DOCK2: variants seen among roughly 807,000 people sequenced by gnomAD.
DOCK2 encodes the protein dedicator of cytokinesis 2.
Under a neutral mutation model 248.9 loss-of-function variants are expected in DOCK2, and 87 were observed. The ratio of observed to expected loss-of-function variants is 0.35; its 90% confidence interval spans 0.29 to 0.42. The LOEUF is 0.42. Among genes scored for constraint, DOCK2 ranks in the 10% least tolerant of loss-of-function variants. DOCK2 has a pLI of 1.00. For missense variants in DOCK2, 1,747 were observed against 2,300.2 expected (o/e 0.76, Z 4.92); for synonymous variants, 805 against 821.6 (o/e 0.98, Z 0.35).
chr5:169,821,856 G>A (rs894198777), intron 26 of DOCK2, among the ~76,000 whole-genome samples: 1 of 152,188 alleles, frequency 6.6e-6, no homozygotes, highest in East Asian at 1.9e-4. Flanking sequence ...CCATCAGTGT[G>A]CTGTATTCAG....
intron 41 of DOCK2, 114 bp from the exon 42 acceptor site, chr5:170,055,191 C>A: frequency 2.1e-6 from 2 of 941,508 alleles, no homozygotes; most frequent in Non-Finnish European, 1.7e-6. Flanking sequence ...GTTCATCATT[C>A]AGTAAAAATG....
At position 169,755,613 on chromosome 5, in the gene DOCK2, G is replaced by A. The variant is rs554164069; in HGVS notation, c.2377-4092G>A. 9.9e-5 allele frequency among the ~76,000 whole-genome samples: 15 copies of A among 152,116 alleles called. No individual in the cohort carries two copies. The East Asian group carries it at 2.5e-3, about 26-fold the overall frequency. On this transcript the variant is annotated intron_variant, in intron 23 of 51. Transcript: ENST00000520908. ...TAAAAAACTAGCCGGGCGTGGTGGCGGGTGCCTATAATCCCAGCTACTCCT... is the reference window on the plus strand; with the variant it reads ...TAAAAAACTAGCCGGGCGTGGTGGCAGGTGCCTATAATCCCAGCTACTCCT...
chr5:169,902,343 C>T (rs1773974710), intron 27 of DOCK2, among the ~76,000 whole-genome samples: 1 of 152,212 alleles, frequency 6.6e-6, no homozygotes, highest in Admixed American at 6.5e-5. Flanking sequence ...ATATGATCCT[C>T]ATGTTCCCAG....
chr5:169,880,343 T>C (rs1035580946), intron 27 of DOCK2, among the ~76,000 whole-genome samples: 1 of 152,230 alleles, frequency 6.6e-6, no homozygotes, highest in Non-Finnish European at 1.5e-5. Flanking sequence ...CTCTTACTCA[T>C]TGAAATTTCA....
chr5:169,900,366 G>T (rs1773853043), intron 27 of DOCK2, among the ~76,000 whole-genome samples: 1 of 152,172 alleles, frequency 6.6e-6, no homozygotes, highest in Non-Finnish European at 1.5e-5. Context: ...AGGTTCAAAG[G>T]TGTGCCTTGA....
rs1284105867 is a variant in DOCK2 at position 169,870,522 on chromosome 5, A to AG, written c.2799+29671dup. On this transcript the variant is annotated intron_variant, in intron 27 of 51. Coordinates refer to ENST00000520908, the MANE Select transcript of DOCK2 (RefSeq NM_004946.3). ...TAGAAAGAAATAACAGAAGCCTCTC[A>AG]GTTGTATATAACTTTTGAATTTGCA... is the stretch of plus-strand genomic sequence containing the variant. Among the ~76,000 whole-genome samples, 7 of 152,180 alleles carry AG rather than the reference A, an allele frequency of 4.6e-5. 1 individual carries two copies. The highest frequency in any genetic ancestry group is 4.6e-4 in the Admixed American group (7 of 15,276).
At chr5:169,893,336 T>G (rs1250593270) in intron 27 of DOCK2, among the ~76,000 whole-genome samples, 2 of 152,214 alleles carry the variant, frequency 1.3e-5, no homozygotes, top group Non-Finnish European at 2.9e-5. Flanking sequence ...TGCTGGCCAA[T>G]TCATCCAGCT....
At chr5:169,701,380 G>T (rs1483128) in intron 13 of DOCK2, among the ~76,000 whole-genome samples, 94,144 of 152,104 alleles carry the variant, frequency 0.62, 30,174 homozygotes, top group East Asian at 0.89. Flanking sequence ...CTCACTGACT[G>T]GCTGTTTCTT....
intron 26 of DOCK2, among the ~76,000 whole-genome samples, chr5:169,826,448 G>A (rs1768865657): frequency 6.6e-6 from 1 of 152,100 alleles, no homozygotes; most frequent in Non-Finnish European, 1.5e-5. Context: ...AAGACTGGTT[G>A]GGGTAGGGCC....
chr5:170,010,798 G>C (rs960243838), intron 32 of DOCK2, among the ~76,000 whole-genome samples: 1 of 152,176 alleles, frequency 6.6e-6, no homozygotes, highest in Non-Finnish European at 1.5e-5. Context: ...TCCCCAGCTC[G>C]ACACCCCAGG....
intron 44 of DOCK2, among the ~76,000 whole-genome samples, chr5:170,062,714 A>G (rs1757373940): frequency 6.6e-6 from 1 of 152,208 alleles, no homozygotes; most frequent in Non-Finnish European, 1.5e-5. Context: ...TTTAGACCAC[A>G]GGAAAAAATC....
intron 26 of DOCK2, among the ~76,000 whole-genome samples, chr5:169,814,266 G>C (rs750483158): frequency 2.6e-5 from 4 of 152,156 alleles, no homozygotes; most frequent in African/African-American, 4.8e-5. Flanking sequence ...CACTGAGAAG[G>C]ACTCTACATC....
intron 27 of DOCK2, among the ~76,000 whole-genome samples, chr5:169,944,873 T>C (rs1415320863): frequency 1.3e-5 from 2 of 152,226 alleles, no homozygotes; most frequent in Non-Finnish European, 2.9e-5. Flanking sequence ...TTGCTCAGAA[T>C]GCTTCATTTT....
intron 1 of DOCK2, among the ~76,000 whole-genome samples, chr5:169,637,766 A>AGGCC (rs1561894904): frequency 1.3e-5 from 2 of 152,092 alleles, no homozygotes; most frequent in African/African-American, 4.8e-5. Flanking sequence ...CCCACCATGC[A>AGGCC]TACTTCCACC....
At chr5:170,063,339 C>T (rs973478949) in intron 44 of DOCK2, among the ~76,000 whole-genome samples, 1 of 152,174 alleles carries the variant, frequency 6.6e-6, no homozygotes, top group Admixed American at 6.5e-5. Flanking sequence ...CAGAAGGGAG[C>T]AGGCATATGC....
At chr5:170,056,497 A>T (rs1019665780) in intron 42 of DOCK2, 187 bp from the exon 43 acceptor site, 6 of 528,006 alleles carry the variant, frequency 1.1e-5, no homozygotes, top group South Asian at 2.8e-5. Flanking sequence ...TTGCCTTGTC[A>T]GGAAAGCCTG....
chr5:169,810,134 C>T (rs1238937274), intron 26 of DOCK2, among the ~76,000 whole-genome samples: 3 of 152,150 alleles, frequency 2.0e-5, no homozygotes, highest in Admixed American at 6.5e-5. Flanking sequence ...GAATATGTCT[C>T]GCTCCAATTA....
chr5:169,825,334 G>A (rs1385508476), intron 26 of DOCK2, among the ~76,000 whole-genome samples: 4 of 152,044 alleles, frequency 2.6e-5, no homozygotes, highest in Non-Finnish European at 4.4e-5. Flanking sequence ...TGTTTATTGT[G>A]GCACTATTCA....
chr5:169,891,154 A>G (rs1008033150), intron 27 of DOCK2, among the ~76,000 whole-genome samples: 2 of 151,828 alleles, frequency 1.3e-5, no homozygotes, highest in South Asian at 2.1e-4. Flanking sequence ...ATTCATTCTC[A>G]TCATCTGGCT....
Sources: gnomAD v4.1 joint callset for allele counts (sites outside exome capture counted in the v4.1 genomes callset) on GRCh38, gnomAD v4.1.1 for gene constraint, MANE v1.5 for transcripts, NCBI Gene and HGNC (gene_info 2026-07-23, HGNC 2026-07-21) for gene names.